The following TFPI variants were observed in gnomAD, a reference collection of about 807,000 sequenced individuals.
TFPI encodes the protein anti-convertin.
A neutral mutation model predicts 34.6 loss-of-function variants in TFPI; 15 were observed. That is an observed-to-expected ratio of 0.43 (90% confidence interval 0.29 to 0.67). The LOEUF (loss-of-function observed/expected upper bound fraction) is 0.67, where lower values mean the gene tolerates loss of function less well. Among genes scored for constraint, TFPI ranks in the 30% least tolerant of loss-of-function variants. The pLI, the probability that TFPI is intolerant of heterozygous loss-of-function variation, is 0.15. For synonymous variants in TFPI, 105 were observed against 120.1 expected, an observed-to-expected ratio of 0.87 and a Z score of 0.82; for missense variants, 301 against 364.0, an observed-to-expected ratio of 0.83 and a Z score of 1.41.
In TFPI at chr2:187,467,891, CT is replaced by C; in HGVS notation, c.669del (p.Gly224AspfsTer41). On this transcript the variant is annotated frameshift_variant, in exon 7 of 8. Transcript: ENST00000233156. LOFTEE classifies it high-confidence loss of function. ...GPSWCLTPAD[R>X]GLCRANENRF... ...CTGTTCTCATTGGCACGACACAATC[CT>C]CTGTCTGCTGGAGTGAGACACCATG... 6.2e-7 allele frequency: 1 copy of C among 1,607,554 alleles called. No individual in the cohort carries two copies. Among genetic ancestry groups the C allele is most frequent in the Admixed American group, 1.7e-5 (1 of 58,486 alleles).
intron 1 of TFPI, chr2:187,517,843 T>C (rs1439702452): frequency 2.0e-5 from 3 of 152,214 alleles, no homozygotes; most frequent in Non-Finnish European, 1.5e-5. Flanking sequence ...GGTGCATATA[T>C]ATTAGGACAG....
intron 1 of TFPI, among the ~76,000 whole-genome samples, chr2:187,522,653 G>A (rs1687446372): frequency 1.3e-5 from 2 of 150,750 alleles, no homozygotes. Context: ...GGAGGCGGAG[G>A]TGGGTGGATC....
In TFPI at chr2:187,535,617, C is replaced by T. The variant is rs184062972; in HGVS notation, c.-3+18583G>A. On this transcript the variant is annotated intron_variant, in intron 1 of 7. Coordinates refer to ENST00000233156, the MANE Select transcript of TFPI (RefSeq NM_006287.6). ...GAGGGAAATTTATAGCACTAAATGCCGACAGGAGAAAGTGGGAAAGATCTA... is the reference window on the plus strand; with the variant it reads ...GAGGGAAATTTATAGCACTAAATGCTGACAGGAGAAAGTGGGAAAGATCTA... Among the ~76,000 whole-genome samples the T allele has an allele frequency of 4.3e-3, 655 of 152,108 alleles. 9 individuals carry two copies. Among genetic ancestry groups the T allele is most frequent in the African/African-American group, 0.015 (618 of 41,502 alleles).
intron 6 of TFPI, among the ~76,000 whole-genome samples, chr2:187,470,438 C>T (rs1322801450): frequency 1.3e-5 from 2 of 152,140 alleles, no homozygotes; most frequent in African/African-American, 4.8e-5. Context: ...TAGGCTAGTA[C>T]ATATGGGGCT....
chr2:187,543,335 A>C (rs1007326564), intron 1 of TFPI, among the ~76,000 whole-genome samples: 4 of 152,250 alleles, frequency 2.6e-5, no homozygotes, highest in African/African-American at 9.6e-5. Context: ...ACACTAAGTT[A>C]AACTGGCAGT....
At chr2:187,550,373 A>G (rs535137518) in intron 1 of TFPI, among the ~76,000 whole-genome samples, 7 of 152,268 alleles carry the variant, frequency 4.6e-5, no homozygotes, top group Non-Finnish European at 7.4e-5. Context: ...CAGTAGTAGG[A>G]AAAAATTAAC....
rs182804392 is a variant in TFPI, at chr2:187,537,237, A to G, written c.-3+16963T>C. Reference sequence around the variant, plus strand: ...CTTCACATATTAGAAAAAGCAAACTACTTTAAATTTCATATGGAACCAAAA... The same window carrying G: ...CTTCACATATTAGAAAAAGCAAACTGCTTTAAATTTCATATGGAACCAAAA... On this transcript the variant is annotated intron_variant, in intron 1 of 7. Coordinates refer to ENST00000233156, the MANE Select transcript of TFPI (RefSeq NM_006287.6). Among the ~76,000 whole-genome samples the G allele has an allele frequency of 1.1e-4, 17 of 152,350 alleles. No homozygotes were observed. The East Asian group carries it at 3.1e-3, about 28-fold the overall frequency.
At chr2:187,486,939 G>A (rs1276849980) in intron 4 of TFPI, among the ~76,000 whole-genome samples, 2 of 151,478 alleles carry the variant, frequency 1.3e-5, no homozygotes, top group African/African-American at 4.8e-5. Flanking sequence ...AAGTTCACTC[G>A]AAATTGATCA....
At chr2:187,488,155 T>C (rs1693422318) in intron 4 of TFPI, among the ~76,000 whole-genome samples, 182 bp downstream of exon 4, 1 of 151,402 alleles carries the variant, frequency 6.6e-6, no homozygotes, top group African/African-American at 2.4e-5. Context: ...GATCAATCTG[T>C]CATATGGGTT....
chr2:187,538,587 G>T (rs1249558314), intron 1 of TFPI, among the ~76,000 whole-genome samples: 1 of 152,118 alleles, frequency 6.6e-6, no homozygotes, highest in Non-Finnish European at 1.5e-5. Context: ...GCCTGTCAGG[G>T]GTTCGTGGGA....
intron 1 of TFPI, among the ~76,000 whole-genome samples, chr2:187,528,026 ATATAT>A (rs1687766701): frequency 6.6e-6 from 1 of 152,048 alleles, no homozygotes; most frequent in African/African-American, 2.4e-5. Flanking sequence ...TAATAAATAA[ATATAT>A]TAATTAAATT....
chr2:187,491,983 G>T (rs561335171), intron 3 of TFPI, among the ~76,000 whole-genome samples: 16 of 152,056 alleles, frequency 1.1e-4, no homozygotes, highest in African/African-American at 3.9e-4. Context: ...TATGCTTGTT[G>T]GTTGTGTATA....
At chr2:187,476,709 T>C (rs1257912601) in intron 6 of TFPI, among the ~76,000 whole-genome samples, 2 of 152,140 alleles carry the variant, frequency 1.3e-5, no homozygotes, top group African/African-American at 4.8e-5. Context: ...AGAAAAAAGG[T>C]AGAGAATTAC....
At chr2:187,547,636 A>G (rs986418567) in intron 1 of TFPI, 16 of 152,142 alleles carry the variant, frequency 1.1e-4, no homozygotes, top group African/African-American at 3.9e-4. Flanking sequence ...TAAGAAGTTA[A>G]TCTTCAGTCA....
At chr2:187,488,295 C>G in intron 4 of TFPI, 42 bp downstream of exon 4, 1 of 1,513,666 alleles carries the variant, frequency 6.6e-7, no homozygotes, top group Non-Finnish European at 8.9e-7. Context: ...ATCTAAATGC[C>G]TTACATAAAT....
intron 1 of TFPI, among the ~76,000 whole-genome samples, chr2:187,548,859 A>G (rs1373343878): frequency 2.0e-5 from 3 of 152,106 alleles, no homozygotes; most frequent in African/African-American, 4.8e-5. Flanking sequence ...CAGATTAAAC[A>G]TCTTTCCTCA....
In TFPI at chr2:187,511,473, G is replaced by C. The variant is rs186488501; in HGVS notation, c.-2-7703C>G. Among the ~76,000 whole-genome samples the C allele has an allele frequency of 4.8e-4, 73 of 152,212 alleles. 1 individual carries two copies. Among genetic ancestry groups the C allele is most frequent in the Non-Finnish European group, 8.8e-5 (6 of 68,018 alleles). On this transcript the variant is annotated intron_variant, in intron 1 of 7. Coordinates refer to ENST00000233156, the MANE Select transcript of TFPI (RefSeq NM_006287.6). ...TTTTGCGGTGTGCATGTGGTGTTTTGTCTCGAGGAAGCATGGGTCAGGCAC... is the reference window on the plus strand; with the variant it reads ...TTTTGCGGTGTGCATGTGGTGTTTTCTCTCGAGGAAGCATGGGTCAGGCAC...
chr2:187,477,497 C>G (rs1428086831), intron 6 of TFPI, among the ~76,000 whole-genome samples: 1 of 152,040 alleles, frequency 6.6e-6, no homozygotes, highest in African/African-American at 2.4e-5. Flanking sequence ...GAACTGTAAA[C>G]AGTGCTTGTG....
intron 1 of TFPI, among the ~76,000 whole-genome samples, chr2:187,534,987 A>G (rs1221615955): frequency 6.6e-5 from 10 of 152,236 alleles, no homozygotes; most frequent in Non-Finnish European, 1.5e-4. Flanking sequence ...GAAAGAGCCA[A>G]AGATGGGCAT....
Sources: gnomAD v4.1 joint callset for allele counts (sites outside exome capture counted in the v4.1 genomes callset) on GRCh38, gnomAD v4.1.1 for gene constraint, MANE v1.5 for transcripts, NCBI Gene and HGNC (gene_info 2026-07-23, HGNC 2026-07-21) for gene names.